Variants in PTPRT observed in about 807,000 individuals in gnomAD.
PTPRT encodes the protein protein tyrosine phosphatase receptor type T.
A neutral mutation model predicts 176.8 loss-of-function variants in PTPRT; 56 were observed. The observed-to-expected ratio is 0.32, with a 90% confidence interval of 0.26 to 0.40. The LOEUF is 0.40. PTPRT is among the 10% of genes least tolerant of loss of function. The pLI is 1.00. For synonymous variants in PTPRT, 783 were observed against 739.0 expected (o/e 1.06, Z -0.96); for missense variants, 1,540 against 1,908.2 (o/e 0.81, Z 3.60).
chr20:42,576,362 G>A (rs2073260643), intron 7 of PTPRT, among the ~76,000 whole-genome samples: 1 of 152,202 alleles, frequency 6.6e-6, no homozygotes, highest in South Asian at 2.1e-4. Flanking sequence ...AGGGAGTCGT[G>A]TTCAGCAACA....
At chr20:42,680,886 C>T (rs1025290808) in intron 6 of PTPRT, among the ~76,000 whole-genome samples, 5 of 152,168 alleles carry the variant, frequency 3.3e-5, no homozygotes, top group South Asian at 2.1e-4. Context: ...AAATGACTTG[C>T]GACTTCACAC....
chr20:42,888,876 G>A (rs2079146396), intron 1 of PTPRT, among the ~76,000 whole-genome samples: 1 of 152,060 alleles, frequency 6.6e-6, no homozygotes, highest in South Asian at 2.1e-4. Flanking sequence ...AAGATGCAAT[G>A]GAAAATATGC....
chr20:42,924,983 T>C (rs1418790542), intron 1 of PTPRT, among the ~76,000 whole-genome samples: 1 of 152,216 alleles, frequency 6.6e-6, no homozygotes, highest in African/African-American at 2.4e-5. Context: ...AGGTGGCGCA[T>C]TGTCCACAGT....
At chr20:42,652,039 C>T (rs930148942) in intron 7 of PTPRT, among the ~76,000 whole-genome samples, 2 of 150,424 alleles carry the variant, frequency 1.3e-5, no homozygotes, top group African/African-American at 4.9e-5. Context: ...CAGAGCGAGA[C>T]TCCACCTCAA....
chr20:42,625,724 A>G (rs2074277614), intron 7 of PTPRT, among the ~76,000 whole-genome samples: 1 of 152,024 alleles, frequency 6.6e-6, no homozygotes, highest in Non-Finnish European at 1.5e-5. Context: ...GGATCAACCA[A>G]CACAATGAGA....
At chr20:42,614,438 C>T (rs920140047) in intron 7 of PTPRT, among the ~76,000 whole-genome samples, 1 of 152,154 alleles carries the variant, frequency 6.6e-6, no homozygotes, top group Admixed American at 6.5e-5. Context: ...TTTCTTTGAA[C>T]CTATGCCCCA....
chr20:42,213,889 AGACATTG>A (rs2055705841), intron 15 of PTPRT, among the ~76,000 whole-genome samples: 1 of 152,224 alleles, frequency 6.6e-6, no homozygotes, highest in African/African-American at 2.4e-5. Flanking sequence ...CTAGTTTGTG[AGACATTG>A]GTACAGTAGC....
rs956918121 is a variant in PTPRT, at chr20:42,199,362, G to T, written c.2369C>A (p.Thr790Asn). Residue 790 changes from threonine (T) to asparagine (N), a missense_variant, in exon 16 of 31, where the codon ACC (threonine) becomes AAC (asparagine). Thr to Asn is a moderately conservative substitution (Grantham distance 65). Coordinates refer to ENST00000373187, the MANE Select transcript of PTPRT (RefSeq NM_007050.6). ...YLKLAKKQKE[T>N]QSGAQREMGP... ...CATCTCCCTCTGGGCTCCACTCTGG[G>T]TCTCCTTCTGCTTCTTGGCCAGCTT... is the stretch of plus-strand genomic sequence containing the variant. 6.2e-7 allele frequency: 1 copy of T among 1,613,986 alleles called. No individual in the cohort carries two copies. Among genetic ancestry groups the T allele is most frequent in the Admixed American group, 1.7e-5 (1 of 59,998 alleles).
rs150789793 is a variant in PTPRT, at chr20:42,474,363, G to A, written c.1154-1801C>T. Among the ~76,000 whole-genome samples, 154 of 152,238 alleles carry A rather than the reference G, an allele frequency of 1.0e-3. 2 individuals are homozygous for A. The highest frequency in any genetic ancestry group is 5.8e-4 in the East Asian group (3 of 5,168). On this transcript the variant is annotated intron_variant, in intron 7 of 30. Transcript: ENST00000373187. ...AAAATATCCTGTAACTTGTGTCGGC[G>A]TCCTACCAAGGAACATAGTTCACAG... is the stretch of plus-strand genomic sequence containing the variant.
At chr20:42,423,927 A>G (rs2059141620) in intron 9 of PTPRT, among the ~76,000 whole-genome samples, 1 of 152,224 alleles carries the variant, frequency 6.6e-6, no homozygotes, top group South Asian at 2.1e-4. Context: ...AGGTACTAGG[A>G]GAAAAAAATG....
chr20:42,569,278 T>C (rs542141408), intron 7 of PTPRT, among the ~76,000 whole-genome samples: 3 of 151,546 alleles, frequency 2.0e-5, no homozygotes, highest in South Asian at 2.1e-4. Context: ...TACTTCACTA[T>C]GAAATTAGAT....
chr20:42,841,170 T>G (rs2078271465), intron 2 of PTPRT, among the ~76,000 whole-genome samples: 1 of 152,176 alleles, frequency 6.6e-6, no homozygotes, highest in Admixed American at 6.5e-5. Context: ...GGTACTTGCC[T>G]CCTCTTAGGT....
At chr20:43,061,593 C>T (rs1291944378) in intron 1 of PTPRT, among the ~76,000 whole-genome samples, 1 of 152,178 alleles carries the variant, frequency 6.6e-6, no homozygotes. Context: ...GAGCTCATGC[C>T]TGTGGTTTGG....
chr20:42,463,881 G>A (rs531032612), intron 8 of PTPRT, among the ~76,000 whole-genome samples: 7 of 152,186 alleles, frequency 4.6e-5, no homozygotes, highest in South Asian at 4.1e-4. Flanking sequence ...TTTCCTAGTC[G>A]TGTTGGAGAA....
At chr20:42,576,741 T>G (rs1349468570) in intron 7 of PTPRT, among the ~76,000 whole-genome samples, 2 of 152,214 alleles carry the variant, frequency 1.3e-5, no homozygotes, top group Non-Finnish European at 2.9e-5. Flanking sequence ...CGTTTACACA[T>G]TTTCCTGGGT....
At chr20:43,182,906 T>A (rs975273856) in intron 1 of PTPRT, among the ~76,000 whole-genome samples, 1 of 152,238 alleles carries the variant, frequency 6.6e-6, no homozygotes, top group African/African-American at 2.4e-5. Context: ...TACTCTTCTG[T>A]TAAATCTCTA....
chr20:42,472,403 T>A lies in PTPRT; in HGVS notation c.1313A>T (p.Glu438Val), dbSNP rs1286105159. Residue 438 changes from glutamate to valine, a missense_variant, in exon 8 of 31, where the codon GAG becomes GTG. By Grantham distance (121) the Glu-to-Val change is moderately radical (BLOSUM62 -2). Around this residue, in one of 11 missense-constraint regions of PTPRT, gnomAD observed 79 missense variants for 80.0 expected, o/e 0.99. Coordinates refer to ENST00000373187, the MANE Select transcript of PTPRT (RefSeq NM_007050.6). ...GTGGGAGGAGGTCTGGATGACCTCC[T>A]CGGCCTCGTACTGCTGCTGGTTGAA... ...YVFNQQQYEA[E>V]EVIQTSSHYT... 1 of 1,614,180 alleles carries A rather than the reference T, an allele frequency of 6.2e-7. No homozygotes were observed. The highest frequency in any genetic ancestry group is 1.7e-5 in the Admixed American group (1 of 60,024).
chr20:42,737,440 G>C (rs1204962945), intron 6 of PTPRT, among the ~76,000 whole-genome samples: 1 of 152,092 alleles, frequency 6.6e-6, no homozygotes, highest in Admixed American at 6.5e-5. Context: ...AGACCAGCCT[G>C]GTCAACATGG....
At chr20:42,650,422 A>G (rs2075008749) in intron 7 of PTPRT, among the ~76,000 whole-genome samples, 1 of 152,164 alleles carries the variant, frequency 6.6e-6, no homozygotes. Context: ...GCTCATCAGG[A>G]TCACCTCATT....
Sources: allele counts gnomAD v4.1 joint callset (sites outside exome capture counted in the v4.1 genomes callset), GRCh38; gene constraint gnomAD v4.1.1; regional missense constraint gnomAD v4.1.1; transcripts MANE v1.5; gene names NCBI Gene and HGNC (gene_info 2026-07-23, HGNC 2026-07-21).